GCN1: variants seen among roughly 807,000 people sequenced by gnomAD.
GCN1 encodes GCN1 activator of EIF2AK4.
GCN1 carries 90 observed loss-of-function variants against 288.4 expected under a neutral mutation model. The observed-to-expected ratio is 0.31, with a 90% CI of 0.26 to 0.37. The LOEUF (loss-of-function observed/expected upper bound fraction) is 0.37. GCN1 is among the 10% of genes least tolerant of loss of function. GCN1 has a pLI of 1.00. For synonymous variants in GCN1, 1,386 were observed against 1,420.2 expected (o/e 0.98, Z 0.54); for missense variants, 2,586 against 3,419.9 (o/e 0.76, Z 6.08).
chr12:120,154,246 G>A (rs1000442793), intron 31 of GCN1, among the ~76,000 whole-genome samples: 5 of 152,232 alleles, frequency 3.3e-5, no homozygotes, highest in East Asian at 3.8e-4. Flanking sequence ...CAGATGTAGA[G>A]GCCTGTGGAA....
Position 120,127,519 on chromosome 12 carries a change from C to A in GCN1, c.*330G>T. Reference sequence around the variant, plus strand: ...GCCAGCTCTCAAACCAGAGCTCAAGCACAGGAGAAGAGGAACCCACAGTCT... The same window carrying A: ...GCCAGCTCTCAAACCAGAGCTCAAGAACAGGAGAAGAGGAACCCACAGTCT... On this transcript the variant is annotated 3_prime_UTR_variant, in exon 58 of 58. Coordinates refer to ENST00000300648, the MANE Select transcript of GCN1 (RefSeq NM_006836.2). 1 of 243,208 alleles carries A rather than the reference C, an allele frequency of 4.1e-6. No homozygotes were observed. Among genetic ancestry groups the A allele is most frequent in the Non-Finnish European group, 8.2e-6 (1 of 121,822 alleles). The allele number at this position is 243,208 out of a possible 1,614,324, so 15.1% of individuals were successfully genotyped here.
At chr12:120,148,081 C>T (rs1297645801) in intron 37 of GCN1, 86 bp downstream of exon 37, 6 of 922,358 alleles carry the variant, frequency 6.5e-6, no homozygotes, top group Non-Finnish European at 9.9e-6. Context: ...AAGATCTTAG[C>T]TGAATGGGTG....
At position 120,162,837 on chromosome 12, in the gene GCN1, T is replaced by TGC; in HGVS notation, c.2163+8_2163+9dup. 2 of 1,613,440 alleles carry TGC rather than the reference T, an allele frequency of 1.2e-6. No individual in the cohort carries two copies. The highest frequency in any genetic ancestry group is 1.7e-6 in the Non-Finnish European group (2 of 1,179,740). ...GGACCTGAGGCCAGACCAGCTCATG[T>TGC]GCCCGTCACCTGGTTTAGGGGACTC... On this transcript the variant is annotated intron_variant, in intron 20 of 57. Coordinates refer to ENST00000300648, the MANE Select transcript of GCN1 (RefSeq NM_006836.2).
At chr12:120,174,861 C>T (rs1878428516) in intron 12 of GCN1, among the ~76,000 whole-genome samples, 1 of 150,244 alleles carries the variant, frequency 6.7e-6, no homozygotes, top group African/African-American at 2.5e-5. Flanking sequence ...AAATCCTGTA[C>T]CTGCCTGTAA....
At chr12:120,172,511 G>A (rs1032181468) in intron 14 of GCN1, among the ~76,000 whole-genome samples, 2 of 152,094 alleles carry the variant, frequency 1.3e-5, no homozygotes, top group Admixed American at 6.6e-5. Context: ...TCTCCTAGAT[G>A]TTTCTTTTTC....
chr12:120,136,156 T>C (rs1010826251), intron 51 of GCN1, among the ~76,000 whole-genome samples: 3 of 152,254 alleles, frequency 2.0e-5, no homozygotes, highest in Admixed American at 6.5e-5. Flanking sequence ...ATTTCACATG[T>C]ACTGAGTGCT....
At chr12:120,135,445 C>T (rs1330063450) in intron 51 of GCN1, among the ~76,000 whole-genome samples, 1 of 151,916 alleles carries the variant, frequency 6.6e-6, no homozygotes, top group African/African-American at 2.4e-5. Context: ...CTCACTGCAA[C>T]CTCCGCCTCC....
At position 120,161,946 on chromosome 12, in the gene GCN1, G is replaced by A. The variant is rs771093405; in HGVS notation, c.2276C>T (p.Thr759Met). The A allele has an allele frequency of 8.1e-6, 13 of 1,614,098 alleles. No individual in the cohort carries two copies. The highest frequency in any genetic ancestry group is 1.1e-5 in the Non-Finnish European group (13 of 1,180,022). Residue 759 changes from threonine to methionine, a missense_variant, in exon 21 of 58, where the codon ACG (threonine) becomes ATG (methionine). Transcript: ENST00000300648. ...CTGCATAATGGCAAACTCCTCCCGCGTCACCAGGCGCAGTGCAGGGTTCTG... is the reference window on the plus strand; with the variant it reads ...CTGCATAATGGCAAACTCCTCCCGCATCACCAGGCGCAGTGCAGGGTTCTG... ...SVQNPALRLV[T>M]REEFAIMQTP...
intron 1 of GCN1, among the ~76,000 whole-genome samples, chr12:120,191,790 T>C (rs1879011382): frequency 1.3e-5 from 2 of 152,176 alleles, no homozygotes; most frequent in Admixed American, 1.3e-4. Context: ...TTGCCCTCAC[T>C]CTCCATGGGC....
In GCN1 at chr12:120,144,841, A is replaced by G; in HGVS notation, c.5156-6T>C. On this transcript the variant is annotated splice_polypyrimidine_tract_variant and splice_region_variant and intron_variant, in intron 40 of 57. Coordinates refer to ENST00000300648, the MANE Select transcript of GCN1 (RefSeq NM_006836.2). The surrounding 1 kb of genome is among the most constrained non-coding windows in gnomAD (Gnocchi z 4.7). ...GGCCATGACCTCAGCCAACCCTGCA[A>G]CAAAGGACAGAATGAGTCCACTGGA... is the stretch of plus-strand genomic sequence containing the variant. 1 of 1,614,172 alleles carries G rather than the reference A, an allele frequency of 6.2e-7. No homozygotes were observed. Among genetic ancestry groups the G allele is most frequent in the Non-Finnish European group, 8.5e-7 (1 of 1,179,998 alleles).
Position 120,142,389 on chromosome 12 carries a change from A to G in GCN1, c.5829+118T>C. 1.4e-6 allele frequency: 1 copy of G among 690,500 alleles called. No individual in the cohort carries two copies. Among genetic ancestry groups the G allele is most frequent in the South Asian group, 1.7e-5 (1 of 60,210 alleles). 42.8% of individuals were successfully genotyped at this position (690,500 alleles called of 1,614,324 possible). On this transcript the variant is annotated intron_variant, in intron 44 of 57. Transcript: ENST00000300648. This position sits in a 1 kb window ranked among gnomAD's most constrained non-coding sequence, Gnocchi z 4.9. ...GCAGAATGACTAAGTAAAGAACACA[A>G]TGTCCCTCTGTTAGGCAGGGTGGAT...
intron 57 of GCN1, among the ~76,000 whole-genome samples, chr12:120,128,290 C>T (rs767961728): frequency 2.6e-5 from 4 of 151,834 alleles, no homozygotes; most frequent in African/African-American, 4.8e-5. Context: ...GCACCTGGCC[C>T]CATCATGCTT....
In GCN1 at chr12:120,153,157, C is replaced by A; in HGVS notation, c.4062+56G>T. Reference sequence around the variant, plus strand: ...CCCCTAGTATCCCACCGCCTAACCACAGCCGGGTCCCAATTCTCTAACCGA... The same window carrying A: ...CCCCTAGTATCCCACCGCCTAACCAAAGCCGGGTCCCAATTCTCTAACCGA... On this transcript the variant is annotated intron_variant, in intron 33 of 57. Coordinates refer to ENST00000300648, the MANE Select transcript of GCN1 (RefSeq NM_006836.2). The surrounding 1 kb of genome is among the most constrained non-coding windows in gnomAD (Gnocchi z 4.4). 1 of 1,501,868 alleles carries A rather than the reference C, an allele frequency of 6.7e-7. No individual in the cohort carries two copies. The highest frequency in any genetic ancestry group is 1.4e-5 in the African/African-American group (1 of 72,896). 93.0% of individuals were successfully genotyped at this position (1,501,868 alleles called of 1,614,324 possible). A position where few individuals can be genotyped will look rare whatever the true frequency, so the allele number is the denominator to read the frequency against.
Position 120,153,121 on chromosome 12 carries a change from G to T in GCN1, c.4062+92C>A. 1 of 1,063,528 alleles carries T rather than the reference G, an allele frequency of 9.4e-7. No individual in the cohort carries two copies. The highest frequency in any genetic ancestry group is 1.4e-6 in the Non-Finnish European group (1 of 722,576). The allele number at this position is 1,063,528 out of a possible 1,614,324, so 65.9% of individuals were successfully genotyped here. ...GAACTGGGCTTTCAGGGCCCTGATT[G>T]TCCAACTCCACCCCTAGTATCCCAC... On this transcript the variant is annotated intron_variant, in intron 33 of 57. Coordinates refer to ENST00000300648, the MANE Select transcript of GCN1 (RefSeq NM_006836.2). The surrounding 1 kb of genome is among the most constrained non-coding windows in gnomAD (Gnocchi z 4.4).
chr12:120,169,276 C>CAAAAAAAAAAAAAAAAAAAAAAAAAA (rs35819206), intron 15 of GCN1, among the ~76,000 whole-genome samples: 3 of 66,648 alleles, frequency 4.5e-5, no homozygotes, highest in African/African-American at 1.3e-4. Context: ...AACTCCGTCT[C>CAAAAAAAAAAAAAAAAAAAAAAAAAA]AAAAAAAAAA....
rs1196173750 is a variant in GCN1 at position 120,148,239 on chromosome 12, C to T, written c.4654G>A (p.Val1552Ile). The change falls in exon 37 of 58, where the codon GTC (valine) becomes ATC (isoleucine). Residue 1552 changes from valine to isoleucine, a missense_variant. Val to Ile is a conservative substitution (Grantham distance 29). Around this residue, in one of 8 missense-constraint regions of GCN1, gnomAD observed 371 missense variants for 572.6 expected, o/e 0.65. Transcript: ENST00000300648. ...KLTEVLTDSHVKVQKAGQQAL... is the reference protein window; with the variant it reads ...KLTEVLTDSHIKVQKAGQQAL... ...TGCTGTCCAGCCTTCTGGACTTTGA[C>T]ATGGGAGTCGGTCAGCACCTCCGTA... 5 of 1,613,980 alleles carry T rather than the reference C, an allele frequency of 3.1e-6. No homozygotes were observed. The Admixed American group carries it at 6.7e-5, about 22-fold the overall frequency.
At chr12:120,154,543 G>A (rs1877676522) in intron 31 of GCN1, among the ~76,000 whole-genome samples, 1 of 152,220 alleles carries the variant, frequency 6.6e-6, no homozygotes, top group Non-Finnish European at 1.5e-5. Flanking sequence ...TGCTACTCAT[G>A]GGCTCTGTGG....
rs1877477187 is a variant in GCN1, at chr12:120,149,684, A to G, written c.4468T>C (p.Leu1490=). 6.2e-7 allele frequency: 1 copy of G among 1,614,008 alleles called. No homozygotes were observed. Among genetic ancestry groups the G allele is most frequent in the Non-Finnish European group, 8.5e-7 (1 of 1,179,944 alleles). ...ACCAGCTTCACCCCGTGAGCACTCAAGTTGCTCATCACAGCCTTGGCACAG... is the reference window on the plus strand; with the variant it reads ...ACCAGCTTCACCCCGTGAGCACTCAGGTTGCTCATCACAGCCTTGGCACAG... ...DDCAKAVMSN[L]SAHGVKLVLP... The change falls in exon 36 of 58, where the codon TTG becomes CTG. Residue 1490 remains leucine, a synonymous_variant. Transcript: ENST00000300648.
At chr12:120,146,962 T>G in intron 38 of GCN1, 90 bp downstream of exon 38, 1 of 695,724 alleles carries the variant, frequency 1.4e-6, no homozygotes, top group African/African-American at 1.8e-5. Context: ...GTCCATAACT[T>G]TCCATGTCTA....
Sources: gnomAD v4.1 joint callset for allele counts (sites outside exome capture counted in the v4.1 genomes callset) on GRCh38, gnomAD v4.1.1 for gene constraint, gnomAD v4.1.1 regional missense constraint, Gnocchi (gnomAD v3.1) non-coding constraint, MANE v1.5 for transcripts, NCBI Gene and HGNC (gene_info 2026-07-23, HGNC 2026-07-21) for gene names.